The following NFIB variants were observed in gnomAD, a reference collection of about 807,000 sequenced individuals.
The protein encoded by NFIB is nuclear factor 1 B-type.
In NFIB, 11 loss-of-function variants were observed where a neutral mutation model predicts 61.5. The observed-to-expected ratio is 0.18, with a 90% CI of 0.11 to 0.30. The LOEUF (loss-of-function observed/expected upper bound fraction) is 0.30. Ranked by LOEUF, NFIB falls within the 10% of genes least tolerant of loss-of-function variation. The pLI, the probability that NFIB is intolerant of heterozygous loss-of-function variation, is 1.00. For missense variants in NFIB, 471 were observed against 608.9 expected, an observed-to-expected ratio of 0.77 and a Z score of 2.38; for synonymous variants, 260 against 216.5, an observed-to-expected ratio of 1.20 and a Z score of -1.76.
intron 1 of NFIB, among the ~76,000 whole-genome samples, chr9:14,333,706 A>G (rs1249499388): frequency 6.6e-6 from 1 of 152,228 alleles, no homozygotes; most frequent in East Asian, 1.9e-4. Context: ...ACCATTGAAT[A>G]TTATATAACA....
chr9:14,188,986 T>C (rs2047660242), intron 2 of NFIB, among the ~76,000 whole-genome samples: 1 of 152,188 alleles, frequency 6.6e-6, no homozygotes. Context: ...ACAAATGCAA[T>C]GTTTATGATC....
intron 2 of NFIB, among the ~76,000 whole-genome samples, chr9:14,264,854 G>A (rs76380145): frequency 0.081 from 12,310 of 151,796 alleles, 725 homozygotes; most frequent in Non-Finnish European, 0.12. Flanking sequence ...AGCAACCCAA[G>A]CAGATAATAA....
At chr9:14,115,868 C>G (rs2038053268) in intron 9 of NFIB, among the ~76,000 whole-genome samples, 1 of 152,200 alleles carries the variant, frequency 6.6e-6, no homozygotes, top group East Asian at 1.9e-4. Flanking sequence ...GATACGAAAA[C>G]TTTGTATTCT....
the NFIB span, among the ~76,000 whole-genome samples, chr9:14,442,230 C>A: frequency 6.6e-6 from 1 of 152,058 alleles, no homozygotes; most frequent in South Asian, 2.1e-4. Flanking sequence ...TGCTGGGCCC[C>A]ATGTGTGAAA....
At chr9:14,176,876 G>A (rs2131409113) in intron 3 of NFIB, among the ~76,000 whole-genome samples, 1 of 152,230 alleles carries the variant, frequency 6.6e-6, no homozygotes, top group South Asian at 2.1e-4. Flanking sequence ...CCACCTTCAA[G>A]TCAACAGTGG....
Position 14,085,631 on chromosome 9 carries a change from T to C in NFIB, c.*2678A>G, listed in dbSNP as rs1014354559. ...TTTTTTGTTCCTTAAAAATTGAACTTTGATTTTAATCTATCAGTCCAAATA... is the reference window on the plus strand; with the variant it reads ...TTTTTTGTTCCTTAAAAATTGAACTCTGATTTTAATCTATCAGTCCAAATA... On this transcript the variant is annotated 3_prime_UTR_variant, in exon 11 of 11. Transcript: ENST00000380953. 23 of 220,196 alleles carry C rather than the reference T, an allele frequency of 1.0e-4. No individual in the cohort carries two copies. The highest frequency in any genetic ancestry group is 4.9e-4 in the African/African-American group (22 of 44,640). The allele number at this position is 220,196 out of a possible 1,614,324, so 13.6% of individuals were successfully genotyped here.
At chr9:14,229,556 G>A (rs1472676097) in intron 2 of NFIB, among the ~76,000 whole-genome samples, 1 of 151,862 alleles carries the variant, frequency 6.6e-6, no homozygotes, top group African/African-American at 2.4e-5. Context: ...TAAAGTTTGT[G>A]GCACATAAAA....
rs564696385 is a variant in NFIB at position 14,216,420 on chromosome 9, G to A, written c.563-36640C>T. ...AAAAAGGTCTGGTTTGAGAAAGGCC[G>A]GAAGCAGGAGGCAAGTGGGCTCTGC... On this transcript the variant is annotated intron_variant, in intron 2 of 10. Coordinates refer to ENST00000380953, the MANE Select transcript of NFIB (RefSeq NM_001190737.2). 2.1e-4 allele frequency among the ~76,000 whole-genome samples: 32 copies of A among 152,100 alleles called. No homozygotes were observed. The South Asian group carries it at 6.2e-3, about 30-fold the overall frequency.
At chr9:14,464,996 G>T in the NFIB span, among the ~76,000 whole-genome samples, 1 of 152,078 alleles carries the variant, frequency 6.6e-6, no homozygotes, top group Non-Finnish European at 1.5e-5. Context: ...ATGATGACAG[G>T]CTACAAGATA....
intron 2 of NFIB, among the ~76,000 whole-genome samples, chr9:14,185,495 T>C (rs2047243692): frequency 6.6e-6 from 1 of 152,210 alleles, no homozygotes; most frequent in South Asian, 2.1e-4. Context: ...CTGTGCATAA[T>C]GTTCCCCCTT....
chr9:14,234,512 G>C (rs940426293), intron 2 of NFIB, among the ~76,000 whole-genome samples: 13 of 151,838 alleles, frequency 8.6e-5, no homozygotes, highest in African/African-American at 3.1e-4. Flanking sequence ...TGGGATTACA[G>C]GCACGCACCA....
At chr9:14,473,714 G>A in the NFIB span, among the ~76,000 whole-genome samples, 3 of 152,154 alleles carry the variant, frequency 2.0e-5, no homozygotes, top group Non-Finnish European at 2.9e-5. Flanking sequence ...TGCGACACCT[G>A]AACTCCAATA....
Position 14,398,478 on chromosome 9 carries a change from C to T in NFIB, c.108+46G>A, listed in dbSNP as rs554293818. The T allele has an allele frequency of 1.1e-4, 153 of 1,361,872 alleles. No individual in the cohort carries two copies. The South Asian group carries it at 1.8e-3, about 16-fold the overall frequency. The allele number at this position is 1,361,872 out of a possible 1,614,324, so 84.4% of individuals were successfully genotyped here. A position where few individuals can be genotyped will look rare whatever the true frequency, so the allele number is the denominator to read the frequency against. Reference sequence around the variant, plus strand: ...AGACACATTGTCTAAGAAGTTGGGACCTATTTGAAAGAAAAACTGGTTAAA... The same window carrying T: ...AGACACATTGTCTAAGAAGTTGGGATCTATTTGAAAGAAAAACTGGTTAAA... On this transcript the variant is annotated intron_variant, in intron 1 of 8. Transcript: ENST00000380934.
At chr9:14,339,157 A>G (rs2060920740) in intron 1 of NFIB, among the ~76,000 whole-genome samples, 2 of 152,210 alleles carry the variant, frequency 1.3e-5, no homozygotes, top group Admixed American at 6.5e-5. Context: ...GAAAATGTAA[A>G]AAGCCTAGAA....
intron 2 of NFIB, among the ~76,000 whole-genome samples, chr9:14,187,020 T>C (rs1330256859): frequency 8.4e-5 from 1 of 11,956 alleles, no homozygotes; most frequent in African/African-American, 1.4e-4. Flanking sequence ...TGTGTGTGTG[T>C]GTGTGTATGT....
At chr9:14,159,686 A>G (rs2043916730) in intron 3 of NFIB, among the ~76,000 whole-genome samples, 2 of 152,220 alleles carry the variant, frequency 1.3e-5, no homozygotes, top group African/African-American at 4.8e-5. Context: ...GTACTTGGAT[A>G]CCTACTAGTG....
rs150245600 is a variant in NFIB at position 14,203,297 on chromosome 9, C to A, written c.563-23517G>T. Reference sequence around the variant, plus strand: ...TTTCCTAAATGGATGGAAAACCCCTCAAAAAAGCCCCTCAAATCTGTGTTT... The same window carrying A: ...TTTCCTAAATGGATGGAAAACCCCTAAAAAAAGCCCCTCAAATCTGTGTTT... On this transcript the variant is annotated intron_variant, in intron 2 of 10. Transcript: ENST00000380953. 3.8e-3 allele frequency among the ~76,000 whole-genome samples: 574 copies of A among 152,188 alleles called. 4 individuals carry two copies. The highest frequency in any genetic ancestry group is 5.4e-3 in the Non-Finnish European group (365 of 67,998).
chr9:14,197,982 A>G (rs1376797015), intron 2 of NFIB, among the ~76,000 whole-genome samples: 1 of 152,202 alleles, frequency 6.6e-6, no homozygotes, highest in Non-Finnish European at 1.5e-5. Context: ...ATGAAAAGCC[A>G]AAAGGGAATG....
At chr9:14,278,436 C>T (rs569628562) in intron 2 of NFIB, among the ~76,000 whole-genome samples, 5 of 152,308 alleles carry the variant, frequency 3.3e-5, no homozygotes, top group African/African-American at 1.2e-4. Context: ...TCTTATTTTG[C>T]ACCTCCAAAA....
Sources: gnomAD v4.1 joint callset for allele counts (sites outside exome capture counted in the v4.1 genomes callset) on GRCh38, gnomAD v4.1.1 for gene constraint, MANE v1.5 for transcripts, NCBI Gene and HGNC (gene_info 2026-07-23, HGNC 2026-07-21) for gene names.